Variants in ANKH observed in about 807,000 individuals in gnomAD.
ANKH encodes the protein mineralization regulator ANKH.
Under a neutral mutation model 49.0 loss-of-function variants are expected in ANKH, and 15 were observed. That is an observed-to-expected ratio of 0.31 (90% CI 0.20 to 0.47). The LOEUF is 0.47. Among genes scored for constraint, ANKH ranks in the 20% least tolerant of loss-of-function variants. The pLI is 1.00. For missense variants in ANKH, 429 were observed against 652.0 expected (o/e 0.66, Z 3.72); for synonymous variants, 273 against 260.0 (o/e 1.05, Z -0.48).
At chr5:14,804,029 G>A (rs902902718) in intron 1 of ANKH, among the ~76,000 whole-genome samples, 7 of 152,166 alleles carry the variant, frequency 4.6e-5, no homozygotes, top group Non-Finnish European at 5.9e-5. Flanking sequence ...CCTAGTAGCT[G>A]GGATTACAGG....
chr5:14,763,771 G>A (rs1313361843), intron 2 of ANKH, among the ~76,000 whole-genome samples: 3 of 152,212 alleles, frequency 2.0e-5, no homozygotes, highest in Non-Finnish European at 4.4e-5. Context: ...TTGAATAAAT[G>A]TTGAAATCCA....
chr5:14,792,524 G>T (rs554496086), intron 1 of ANKH, among the ~76,000 whole-genome samples: 27 of 152,208 alleles, frequency 1.8e-4, no homozygotes, highest in Admixed American at 1.8e-3. Flanking sequence ...TCACAGTGGG[G>T]AATGGACCTC....
chr5:14,788,721 G>T (rs1740058432), intron 1 of ANKH, among the ~76,000 whole-genome samples: 1 of 152,150 alleles, frequency 6.6e-6, no homozygotes, highest in Non-Finnish European at 1.5e-5. Context: ...CACAGAGAAG[G>T]ACTGTCACTG....
Position 14,708,348 on chromosome 5 carries a change from G to C in ANKH, c.*2849C>G, listed in dbSNP as rs1737020904. ...CCACAAGCAATCACTCAGTTTTGGA[G>C]AAAGTCACACCTGGTCTTTCCCTGG... On this transcript the variant is annotated 3_prime_UTR_variant, in exon 12 of 12. Transcript: ENST00000284268. 6.6e-6 allele frequency: 1 copy of C among 152,202 alleles called. No individual in the cohort carries two copies. The highest frequency in any genetic ancestry group is 1.5e-5 in the Non-Finnish European group (1 of 68,036). 9.4% of individuals were successfully genotyped at this position (152,202 alleles called of 1,614,324 possible). A position where few individuals can be genotyped will look rare whatever the true frequency, so the allele number is the denominator to read the frequency against.
intron 1 of ANKH, chr5:14,870,043 G>C (rs1735770060): frequency 9.3e-6 from 1 of 106,994 alleles, no homozygotes; most frequent in Admixed American, 1.1e-4. Context: ...GTACAGGGTG[G>C]AGCAGGGAAG....
At position 14,751,052 on chromosome 5, in the gene ANKH, TGGGTTG is replaced by T; in HGVS notation, c.687+11_687+16del. ...CTCTGAGTCTCAGACAGACTGCTGT[TGGGTTG>T]GTAGACGTACCCCCAGCTCCGGGCC... is the stretch of plus-strand genomic sequence containing the variant. On this transcript the variant is annotated intron_variant, in intron 5 of 11. Coordinates refer to ENST00000284268, the MANE Select transcript of ANKH (RefSeq NM_054027.6). The T allele has an allele frequency of 6.2e-7, 1 of 1,613,826 alleles. No homozygotes were observed. The highest frequency in any genetic ancestry group is 1.3e-5 in the African/African-American group (1 of 75,050).
intron 4 of ANKH, 82 bp downstream of exon 4, chr5:14,755,779 G>A: frequency 1.5e-6 from 2 of 1,307,396 alleles, no homozygotes; most frequent in Non-Finnish European, 2.2e-6. Context: ...ACTGCACAGT[G>A]AATGAATATA....
At chr5:14,782,748 A>G (rs1349627707) in intron 1 of ANKH, among the ~76,000 whole-genome samples, 2 of 152,200 alleles carry the variant, frequency 1.3e-5, no homozygotes, top group Non-Finnish European at 2.9e-5. Context: ...GAATAAAAGA[A>G]ATCAGGTCAA....
rs140805985 is a variant in ANKH, at chr5:14,858,873, T to C, written c.96+12479A>G. Among the ~76,000 whole-genome samples, 260 of 152,012 alleles carry C rather than the reference T, an allele frequency of 1.7e-3. 2 individuals carry two copies. The highest frequency in any genetic ancestry group is 3.3e-3 in the Non-Finnish European group (223 of 67,974). On this transcript the variant is annotated intron_variant, in intron 1 of 11. Transcript: ENST00000284268. ...GATATTCTTATTTTCTTTTTGATAC[T>C]TTTCCTTCTTTTAAAAATGAAAATG...
chr5:14,731,222 C>T lies in ANKH; in HGVS notation c.1011+10605G>A, dbSNP rs141645329. On this transcript the variant is annotated intron_variant, in intron 8 of 11. Transcript: ENST00000284268. ...GGATCTTTATCATTTCCAAATCGGC[C>T]ATGGCTAGGAGGGAGAGGCGGGCTG... 3.9e-3 allele frequency among the ~76,000 whole-genome samples: 601 copies of T among 152,206 alleles called. 5 individuals carry two copies. The highest frequency in any genetic ancestry group is 0.014 in the African/African-American group (564 of 41,544).
chr5:14,778,868 C>T (rs1021820220), intron 1 of ANKH, among the ~76,000 whole-genome samples: 4 of 152,174 alleles, frequency 2.6e-5, no homozygotes, highest in East Asian at 3.9e-4. Context: ...CACAGCCACA[C>T]GGTCTGCTGC....
intron 1 of ANKH, among the ~76,000 whole-genome samples, chr5:14,866,455 T>A (rs1055050055): frequency 2.0e-5 from 3 of 152,212 alleles, no homozygotes; most frequent in African/African-American, 4.8e-5. Context: ...AGTACCTTTT[T>A]AAAAAGCTCA....
chr5:14,775,882 A>G (rs1041426369), intron 1 of ANKH, among the ~76,000 whole-genome samples: 14 of 152,154 alleles, frequency 9.2e-5, no homozygotes, highest in African/African-American at 3.4e-4. Flanking sequence ...TTGTGATAGA[A>G]GTGGGCTGGA....
intron 2 of ANKH, among the ~76,000 whole-genome samples, chr5:14,760,862 T>C (rs1266076125): frequency 1.3e-5 from 2 of 152,198 alleles, no homozygotes; most frequent in Non-Finnish European, 2.9e-5. Context: ...GGCAGTGTTG[T>C]AAGCTGAACT....
At chr5:14,763,895 C>A (rs906414442) in intron 2 of ANKH, among the ~76,000 whole-genome samples, 1 of 151,958 alleles carries the variant, frequency 6.6e-6, no homozygotes, top group Non-Finnish European at 1.5e-5. Flanking sequence ...TCGAGACCAG[C>A]CTGGCCAACA....
rs764411519 is a variant in ANKH at position 14,709,472 on chromosome 5, C to T, written c.*1725G>A. 1 of 152,154 alleles carries T rather than the reference C, an allele frequency of 6.6e-6. No individual in the cohort carries two copies. Among genetic ancestry groups the T allele is most frequent in the Non-Finnish European group, 1.5e-5 (1 of 68,044 alleles). The allele number at this position is 152,154 out of a possible 1,614,324, so 9.4% of individuals were successfully genotyped here. On this transcript the variant is annotated 3_prime_UTR_variant, in exon 12 of 12. Transcript: ENST00000284268. The stretch of plus-strand genomic sequence containing the variant: ...GGCACACCCCATCAGCACTGGGTAC[C>T]CAGGAATGTGAATGCAACCCTGGCA...
chr5:14,749,672 T>G (rs945932520), intron 5 of ANKH, among the ~76,000 whole-genome samples: 1 of 152,260 alleles, frequency 6.6e-6, no homozygotes, highest in Non-Finnish European at 1.5e-5. Flanking sequence ...TCAAATGGAC[T>G]GGCTGGAAGC....
At chr5:14,724,749 C>T (rs528615083) in intron 8 of ANKH, among the ~76,000 whole-genome samples, 4 of 152,270 alleles carry the variant, frequency 2.6e-5, no homozygotes, top group East Asian at 1.9e-4. Flanking sequence ...TTCATCAGCA[C>T]GTGAACTCAG....
intron 1 of ANKH, among the ~76,000 whole-genome samples, chr5:14,843,925 A>G (rs1741886548): frequency 6.6e-6 from 1 of 152,250 alleles, no homozygotes; most frequent in Non-Finnish European, 1.5e-5. Context: ...GAACTACTGT[A>G]GAAACCAGGA....
Sources: allele counts gnomAD v4.1 joint callset (sites outside exome capture counted in the v4.1 genomes callset), GRCh38; gene constraint gnomAD v4.1.1; transcripts MANE v1.5; gene names NCBI Gene and HGNC (gene_info 2026-07-23, HGNC 2026-07-21).